Variants in ZNF516 observed in about 807,000 individuals in gnomAD.
The protein encoded by ZNF516 is zinc finger protein 516.
ZNF516 carries 19 observed loss-of-function variants against 79.7 expected under a neutral mutation model. That is an observed-to-expected ratio of 0.24 (90% CI 0.17 to 0.35). ZNF516 has a LOEUF of 0.35. Ranked by LOEUF, ZNF516 falls within the 10% of genes least tolerant of loss-of-function variation. The pLI is 1.00. For synonymous variants in ZNF516, 877 were observed against 739.5 expected (o/e 1.19, Z -3.02); for missense variants, 1,678 against 1,679.5 (o/e 1.00, Z 0.02).
At chr18:76,402,774 C>T (rs1032269597) in intron 3 of ZNF516, among the ~76,000 whole-genome samples, 1 of 152,280 alleles carries the variant, frequency 6.6e-6, no homozygotes, top group African/African-American at 2.4e-5. Flanking sequence ...GGCCGCTGCG[C>T]TTCTATCAGC....
At chr18:76,491,087 T>C (rs1444457703) in intron 1 of ZNF516, 1 of 985,256 alleles carries the variant, frequency 1.0e-6, no homozygotes, top group African/African-American at 1.7e-5. Context: ...GTAATCGTCC[T>C]CGGGGCCACG....
intron 3 of ZNF516, among the ~76,000 whole-genome samples, chr18:76,398,686 T>C (rs150529716): frequency 2.5e-3 from 385 of 152,310 alleles, no homozygotes; most frequent in African/African-American, 8.8e-3. Flanking sequence ...ATTAAACCAC[T>C]TGTGTGTTTT....
chr18:76,447,227 A>G (rs989110306), intron 2 of ZNF516, among the ~76,000 whole-genome samples: 2 of 152,202 alleles, frequency 1.3e-5, no homozygotes, highest in African/African-American at 2.4e-5. Flanking sequence ...AAAACACGCC[A>G]TGGGCGGCCG....
intron 3 of ZNF516, among the ~76,000 whole-genome samples, chr18:76,424,514 A>C (rs1333399185): frequency 3.0e-5 from 4 of 135,122 alleles, no homozygotes; most frequent in African/African-American, 2.8e-5. Context: ...AGGTTCCCCC[A>C]TGAAACACAT....
At chr18:76,450,926 A>C (rs932254022) in intron 2 of ZNF516, among the ~76,000 whole-genome samples, 1 of 152,188 alleles carries the variant, frequency 6.6e-6, no homozygotes, top group African/African-American at 2.4e-5. Flanking sequence ...ACCGAAGTTG[A>C]CCTTATTAAA....
intron 1 of ZNF516, among the ~76,000 whole-genome samples, chr18:76,479,725 C>T (rs1439994587): frequency 6.6e-6 from 1 of 152,224 alleles, no homozygotes; most frequent in Non-Finnish European, 1.5e-5. Flanking sequence ...AATACAGGGG[C>T]CCTCTGTTGC....
rs540602402 is a variant in ZNF516 at position 76,381,247 on chromosome 18, G to A, written c.1811-944C>T. On this transcript the variant is annotated intron_variant, in intron 3 of 6. Coordinates refer to ENST00000443185, the MANE Select transcript of ZNF516 (RefSeq NM_014643.4). ...ACTGTACTGCAAGTGGACACAACAC[G>A]GATTAACAAAAATTCGGTTTTATGT... is the stretch of plus-strand genomic sequence containing the variant. Among the ~76,000 whole-genome samples the A allele has an allele frequency of 4.3e-4, 66 of 152,280 alleles. 1 individual carries two copies. The highest frequency in any genetic ancestry group is 1.4e-3 in the African/African-American group (60 of 41,560).
At chr18:76,366,136 G>C (rs1040301613) in intron 6 of ZNF516, among the ~76,000 whole-genome samples, 2 of 152,146 alleles carry the variant, frequency 1.3e-5, no homozygotes, top group African/African-American at 4.8e-5. Flanking sequence ...CAAGCTTCAG[G>C]TGTGTGCTGA....
In ZNF516 at chr18:76,380,157, G is replaced by T. The variant is rs2074866840; in HGVS notation, c.1957C>A (p.Leu653Ile). 1 of 1,613,814 alleles carries T rather than the reference G, an allele frequency of 6.2e-7. No homozygotes were observed. The highest frequency in any genetic ancestry group is 1.3e-5 in the African/African-American group (1 of 74,890). Reference protein sequence around the residue: ...KAGIAASVSILENSSRETSRR... With the variant: ...KAGIAASVSIIENSSRETSRR... ...GAAGTCTCTCTGCTACTGTTTTCAA[G>T]TATGGACACAGAAGCTGCGATCCCT... The change falls in exon 4 of 7, where the codon CTT becomes ATT. Residue 653 changes from leucine (L) to isoleucine (I), a missense_variant. By Grantham distance (5) the Leu-to-Ile change is conservative (BLOSUM62 2). Coordinates refer to ENST00000443185, the MANE Select transcript of ZNF516 (RefSeq NM_014643.4).
At position 76,443,034 on chromosome 18, in the gene ZNF516, G is replaced by A. The variant is rs753583309; in HGVS notation, c.21C>T (p.Ala7=). 6.3e-6 allele frequency: 10 copies of A among 1,594,052 alleles called. No homozygotes were observed. Among genetic ancestry groups the A allele is most frequent in the East Asian group, 2.2e-5 (1 of 44,468 alleles). ...TGGGGCCTCGCCTCAGCTCCATCTCGGCCTCTCTGTTGCGATCCATCCGAA... is the reference window on the plus strand; with the variant it reads ...TGGGGCCTCGCCTCAGCTCCATCTCAGCCTCTCTGTTGCGATCCATCCGAA... The part of the protein sequence containing the change: MDRNRE[A]EMELRRGPSP... The change falls in exon 3 of 7, where the codon GCC becomes GCT. Residue 7 remains alanine, a synonymous_variant. Transcript: ENST00000443185.
chr18:76,426,108 G>A (rs2075589960), intron 3 of ZNF516, among the ~76,000 whole-genome samples: 1 of 151,886 alleles, frequency 6.6e-6, no homozygotes, highest in African/African-American at 2.4e-5. Flanking sequence ...ACAGAATGAA[G>A]GTGATTTCTG....
chr18:76,473,954 C>G (rs1914032202), intron 1 of ZNF516, among the ~76,000 whole-genome samples: 1 of 145,998 alleles, frequency 6.8e-6, no homozygotes, highest in African/African-American at 2.5e-5. Flanking sequence ...CTGTGTTGCC[C>G]AGGCTGGCCT....
At chr18:76,496,150 G>A (rs1228190206), upstream of ZNF516, 25 of 706,550 alleles carry the variant, frequency 3.5e-5, no homozygotes, top group Non-Finnish European at 4.6e-5. Context: ...TGGGGGAGGG[G>A]AGGGCGGGCG....
Position 76,370,440 on chromosome 18 carries a change from A to C in ZNF516, c.3432+88T>G, listed in dbSNP as rs966811170. ...CACATCTAGTGAAAAAAACAAAAAG[A>C]AGGTCATGCTTCAGTGATGAGCATC... On this transcript the variant is annotated intron_variant, in intron 6 of 6. Coordinates refer to ENST00000443185, the MANE Select transcript of ZNF516 (RefSeq NM_014643.4). 15 of 1,268,076 alleles carry C rather than the reference A, an allele frequency of 1.2e-5. No individual in the cohort carries two copies. The African/African-American group carries it at 1.8e-4, about 15-fold the overall frequency. 78.6% of individuals were successfully genotyped at this position (1,268,076 alleles called of 1,614,324 possible). A position where few individuals can be genotyped will look rare whatever the true frequency, so the allele number is the denominator to read the frequency against.
At chr18:76,496,373 A>C, upstream of ZNF516, 5 of 1,289,656 alleles carry the variant, frequency 3.9e-6, no homozygotes, top group Non-Finnish European at 5.1e-6. Flanking sequence ...CGTAGCAATC[A>C]GCGCTGCAAT....
chr18:76,407,866 C>G (rs1175613304), intron 3 of ZNF516, among the ~76,000 whole-genome samples: 1 of 152,210 alleles, frequency 6.6e-6, no homozygotes, highest in Non-Finnish European at 1.5e-5. Context: ...GCAGTTCAAA[C>G]ACGCAGCCCT....
At chr18:76,419,112 T>G (rs1354684189) in intron 3 of ZNF516, among the ~76,000 whole-genome samples, 1 of 152,236 alleles carries the variant, frequency 6.6e-6, no homozygotes, top group East Asian at 1.9e-4. Flanking sequence ...TCTGGAAACC[T>G]GAGCCTCTAA....
At chr18:76,453,841 A>G (rs1175563680) in intron 2 of ZNF516, among the ~76,000 whole-genome samples, 1 of 152,226 alleles carries the variant, frequency 6.6e-6, no homozygotes, top group Non-Finnish European at 1.5e-5. Flanking sequence ...TTATCATAAA[A>G]TATATTTTAA....
At chr18:76,491,659 GC>G in intron 1 of ZNF516, 2 of 641,888 alleles carry the variant, frequency 3.1e-6, no homozygotes, top group Non-Finnish European at 3.8e-6. Flanking sequence ...CCAGCAACAA[GC>G]GGCCACCGCC....
Sources: gnomAD v4.1 joint callset for allele counts (sites outside exome capture counted in the v4.1 genomes callset) on GRCh38, gnomAD v4.1.1 for gene constraint, MANE v1.5 for transcripts, NCBI Gene and HGNC (gene_info 2026-07-23, HGNC 2026-07-21) for gene names.